Variants in CELF2 observed in about 807,000 individuals in gnomAD.
CELF2 encodes the protein CUGBP Elav-like family member 2, also known as CUG triplet repeat RNA-binding protein 2.
In CELF2, 8 loss-of-function variants were observed where a neutral mutation model predicts 62.6. That is an observed-to-expected ratio of 0.13 (90% CI 0.07 to 0.23). CELF2 has a LOEUF of 0.23. CELF2 is among the 10% of genes least tolerant of loss of function. The probability of loss-of-function intolerance (pLI) is 1.00; values close to 1 mark genes in which losing one functional copy is unlikely to be tolerated. For synonymous variants in CELF2, 258 were observed against 250.0 expected (o/e 1.03, Z -0.30); for missense variants, 333 against 671.0 (o/e 0.50, Z 5.56).
Position 11,075,061 on chromosome 10 carries a change from T to A in CELF2, c.74+56898T>A, listed in dbSNP as rs369524917. Reference sequence around the variant, plus strand: ...GAATTGAAAGATGCTTTCGATTCTCTTGTTTCCTCTTGTCACTATGGGAAA... The same window carrying A: ...GAATTGAAAGATGCTTTCGATTCTCATGTTTCCTCTTGTCACTATGGGAAA... On this transcript the variant is annotated intron_variant, in intron 1 of 12. Coordinates refer to ENST00000633077, the MANE Select transcript of CELF2 (RefSeq NM_001326342.2). The surrounding 1 kb of genome is among the most constrained non-coding windows in gnomAD (Gnocchi z 5.4). 16 of 152,236 alleles carry A rather than the reference T, an allele frequency of 1.1e-4. No individual in the cohort carries two copies. Among genetic ancestry groups the A allele is most frequent in the African/African-American group, 3.9e-4 (16 of 41,458 alleles). 9.4% of individuals were successfully genotyped at this position (152,236 alleles called of 1,614,324 possible).
chr10:10,597,820 T>A, the CELF2 span, among the ~76,000 whole-genome samples: 1 of 152,212 alleles, frequency 6.6e-6, no homozygotes, highest in African/African-American at 2.4e-5. Flanking sequence ...TGACTATAGA[T>A]AAAGCAACAC....
intron 1 of CELF2, among the ~76,000 whole-genome samples, chr10:10,807,962 G>A (rs2055407063): frequency 6.6e-6 from 1 of 152,154 alleles, no homozygotes; most frequent in Non-Finnish European, 1.5e-5. Context: ...ATTTCCATAG[G>A]TCTCTGAGAC....
At chr10:10,749,120 G>C in the CELF2 span, among the ~76,000 whole-genome samples, 2 of 152,162 alleles carry the variant, frequency 1.3e-5, no homozygotes, top group African/African-American at 4.8e-5. Flanking sequence ...ATGCTTGCAA[G>C]AAAACAGAGT....
At chr10:10,847,454 A>T (rs2059088470) in intron 1 of CELF2, among the ~76,000 whole-genome samples, 1 of 152,150 alleles carries the variant, frequency 6.6e-6, no homozygotes. Flanking sequence ...CTCCTGTGCG[A>T]TACACATGCA....
intron 2 of CELF2, among the ~76,000 whole-genome samples, chr10:10,955,834 A>G (rs924929836): frequency 1.3e-5 from 2 of 152,188 alleles, no homozygotes; most frequent in African/African-American, 4.8e-5. Context: ...GTTGAGGTCA[A>G]AGGCATCACA....
At chr10:10,494,951 G>A in the CELF2 span, among the ~76,000 whole-genome samples, 1 of 152,114 alleles carries the variant, frequency 6.6e-6, no homozygotes, top group Non-Finnish European at 1.5e-5. Flanking sequence ...ATTAAAGACT[G>A]AATTGAAAGT....
chr10:10,508,430 C>G, the CELF2 span, among the ~76,000 whole-genome samples: 1 of 152,208 alleles, frequency 6.6e-6, no homozygotes, highest in African/African-American at 2.4e-5. Flanking sequence ...TTTGCTTCCT[C>G]AAATCCTTAA....
intron 2 of CELF2, among the ~76,000 whole-genome samples, chr10:10,980,762 C>G (rs2136377290): frequency 6.6e-6 from 1 of 152,276 alleles, no homozygotes; most frequent in African/African-American, 2.4e-5. Context: ...ATCCCTTAAT[C>G]CAACTCCTTT....
chr10:10,699,467 G>T, the CELF2 span, among the ~76,000 whole-genome samples: 2 of 152,202 alleles, frequency 1.3e-5, no homozygotes, highest in African/African-American at 4.8e-5. Context: ...GCAAATTATT[G>T]CAAATTGTCT....
chr10:11,289,323 A>G (rs866277148), intron 9 of CELF2, among the ~76,000 whole-genome samples: 1 of 152,176 alleles, frequency 6.6e-6, no homozygotes. Context: ...TCTAACTTTC[A>G]AAATCCCATG....
At chr10:10,913,804 GGAGA>G (rs1455805504) in intron 1 of CELF2, among the ~76,000 whole-genome samples, 2 of 140,956 alleles carry the variant, frequency 1.4e-5, no homozygotes, top group Non-Finnish European at 3.0e-5. Context: ...AAAGAGAGAA[GGAGA>G]GAGAGAAAGA....
chr10:10,694,977 C>T, the CELF2 span, among the ~76,000 whole-genome samples: 1 of 151,042 alleles, frequency 6.6e-6, no homozygotes, highest in Non-Finnish European at 1.5e-5. Context: ...ATTTGCCAGT[C>T]TGTGTCTTTT....
intron 2 of CELF2, among the ~76,000 whole-genome samples, chr10:10,939,277 G>GTGGTGTTGTTGTTGTTGT (rs138349252): frequency 2.1e-5 from 3 of 144,220 alleles, no homozygotes; most frequent in African/African-American, 8.0e-5. Context: ...TTGTTTTGTG[G>GTGGTGTTGTTGTTGTTGT]TGTTGTTGTT....
At chr10:11,172,837 T>C (rs2069398428) in intron 2 of CELF2, among the ~76,000 whole-genome samples, 2 of 152,230 alleles carry the variant, frequency 1.3e-5, no homozygotes, top group African/African-American at 2.4e-5. Context: ...CCAGTCGTCT[T>C]TTCCCCAGTA....
chr10:10,526,992 A>G, the CELF2 span, among the ~76,000 whole-genome samples: 3 of 152,248 alleles, frequency 2.0e-5, no homozygotes, highest in Middle Eastern at 3.2e-3. Context: ...TGCTCAGGCA[A>G]AATGTTATGG....
rs961677709 is a variant in CELF2, at chr10:11,305,374, A to T, written c.977-8765A>T. Among the ~76,000 whole-genome samples the T allele has an allele frequency of 6.6e-6, 1 of 152,144 alleles. No homozygotes were observed. Among genetic ancestry groups the T allele is most frequent in the South Asian group, 2.1e-4 (1 of 4,822 alleles). On this transcript the variant is annotated intron_variant, in intron 9 of 12. Transcript: ENST00000633077. This position sits in a 1 kb window ranked among gnomAD's most constrained non-coding sequence, Gnocchi z 4.8. ...TGCCCACACCTGGGTGCCGGCGCCC[A>T]TCCTGCATCCCTCACGGGTACACCG...
rs898122096 is a variant in CELF2 at position 10,997,577 on chromosome 10, T to C, written c.89+77578T>C. Among the ~76,000 whole-genome samples the C allele has an allele frequency of 6.6e-6, 1 of 152,212 alleles. No individual in the cohort carries two copies. The highest frequency in any genetic ancestry group is 2.4e-5 in the African/African-American group (1 of 41,466). Reference sequence around the variant, plus strand: ...GTCATATTCACGTTTGGATCCCAGATAATGGTCGAGTAACGTAGTTTCTCT... The same window carrying C: ...GTCATATTCACGTTTGGATCCCAGACAATGGTCGAGTAACGTAGTTTCTCT... On this transcript the variant is annotated intron_variant, in intron 2 of 13. Coordinates refer to the CELF2 transcript ENST00000636488. The surrounding 1 kb of genome is among the most constrained non-coding windows in gnomAD (Gnocchi z 5.3).
chr10:10,867,783 A>C (rs866982212), intron 1 of CELF2, among the ~76,000 whole-genome samples: 4 of 152,200 alleles, frequency 2.6e-5, no homozygotes, highest in African/African-American at 9.6e-5. Flanking sequence ...AGATGGAAAA[A>C]ATCCCAGCCC....
At chr10:10,838,925 G>A (rs982432296) in intron 1 of CELF2, among the ~76,000 whole-genome samples, 13 of 152,124 alleles carry the variant, frequency 8.5e-5, no homozygotes, top group Non-Finnish European at 1.6e-4. Flanking sequence ...AGGTCACGAG[G>A]TCAGGAGATT....
Sources: allele counts gnomAD v4.1 joint callset (sites outside exome capture counted in the v4.1 genomes callset), GRCh38; gene constraint gnomAD v4.1.1; non-coding constraint Gnocchi (gnomAD v3.1); transcripts MANE v1.5; gene names NCBI Gene and HGNC (gene_info 2026-07-23, HGNC 2026-07-21).